FYB2: variants seen among roughly 807,000 people sequenced by gnomAD.
The protein encoded by FYB2 is FYN binding protein 2, also known as FYN-binding protein 2.
FYB2 carries 103 observed loss-of-function variants against 94.1 expected under a neutral mutation model. That is an observed-to-expected ratio of 1.09 (90% CI 0.93 to 1.29). FYB2 has a LOEUF of 1.29. Ranked by LOEUF, FYB2 falls within the 50% of genes most tolerant of loss-of-function variation. FYB2 has a pLI of 0.00. For missense variants in FYB2, 896 were observed against 841.5 expected (o/e 1.06, Z -0.80); for synonymous variants, 293 against 287.9 (o/e 1.02, Z -0.18).
chr1:56,748,201 G>A (rs1024436061), intron 9 of FYB2, among the ~76,000 whole-genome samples: 1 of 152,064 alleles, frequency 6.6e-6, no homozygotes, highest in Non-Finnish European at 1.5e-5. Flanking sequence ...AAGGTTGCCT[G>A]TTCACTCTGA....
At chr1:56,813,347 G>A (rs1374021559) in intron 1 of FYB2, among the ~76,000 whole-genome samples, 3 of 152,192 alleles carry the variant, frequency 2.0e-5, no homozygotes, top group Non-Finnish European at 4.4e-5. Context: ...GAAGGGAAAA[G>A]GCATGTCCTA....
At chr1:56,760,039 A>G (rs1645451705) in intron 5 of FYB2, among the ~76,000 whole-genome samples, 1 of 146,180 alleles carries the variant, frequency 6.8e-6, no homozygotes, top group Admixed American at 7.3e-5. Flanking sequence ...AGATCGCGCT[A>G]CTGTATTCCA....
chr1:56,763,982 C>T (rs113897419), intron 5 of FYB2, among the ~76,000 whole-genome samples: 15 of 148,888 alleles, frequency 1.0e-4, no homozygotes, highest in East Asian at 2.0e-4. Flanking sequence ...TGGAGTTTTG[C>T]TCTTATTGCC....
At chr1:56,736,544 GCCT>G (rs920156122) in intron 15 of FYB2, among the ~76,000 whole-genome samples, 8 of 148,408 alleles carry the variant, frequency 5.4e-5, no homozygotes, top group African/African-American at 2.0e-4. Flanking sequence ...TCCCACTTCA[GCCT>G]CCTGAATAGC....
At chr1:56,803,296 C>T (rs771190243) in intron 1 of FYB2, among the ~76,000 whole-genome samples, 6 of 152,166 alleles carry the variant, frequency 3.9e-5, no homozygotes, top group East Asian at 3.8e-4. Context: ...TTGGTTCAGG[C>T]AGGCTTTTGA....
At position 56,719,274 on chromosome 1, in the gene FYB2, CACA is replaced by C. The variant is rs570225269; in HGVS notation, c.*394_*396del. 6.4e-4 allele frequency: 106 copies of C among 164,976 alleles called. 2 individuals are homozygous for C. The Middle Eastern group carries it at 0.012, about 18-fold the overall frequency. 10.2% of individuals were successfully genotyped at this position (164,976 alleles called of 1,614,324 possible). A position where few individuals can be genotyped will look rare whatever the true frequency, so the allele number is the denominator to read the frequency against. ...AATTAAATTATACCAAGTTTGAGTG[CACA>C]ACATCTAGAAATTACAAATGCTCAT... On this transcript the variant is annotated 3_prime_UTR_variant, in exon 20 of 20. Coordinates refer to ENST00000343433, the MANE Select transcript of FYB2 (RefSeq NM_001004303.5).
At chr1:56,811,590 G>T (rs1050816877) in intron 1 of FYB2, among the ~76,000 whole-genome samples, 3 of 152,254 alleles carry the variant, frequency 2.0e-5, no homozygotes, top group African/African-American at 4.8e-5. Context: ...AACAAGACAG[G>T]GTTGTCACAG....
chr1:56,817,144 G>A lies in FYB2; in HGVS notation c.9+2138C>T, dbSNP rs141603289. On this transcript the variant is annotated intron_variant, in intron 1 of 19. Transcript: ENST00000343433. ...CAATGCCCAGGTGGCTCTCCATTTCGCTCAGAGGAAATGCTTGAGTTTCAA... is the reference window on the plus strand; with the variant it reads ...CAATGCCCAGGTGGCTCTCCATTTCACTCAGAGGAAATGCTTGAGTTTCAA... Among the ~76,000 whole-genome samples the A allele has an allele frequency of 9.2e-3, 1,403 of 152,158 alleles. 13 individuals carry two copies. Among genetic ancestry groups the A allele is most frequent in the Non-Finnish European group, 0.011 (714 of 67,998 alleles).
chr1:56,817,501 T>C (rs1435387848), intron 1 of FYB2, among the ~76,000 whole-genome samples: 2 of 152,192 alleles, frequency 1.3e-5, no homozygotes, highest in East Asian at 1.9e-4. Flanking sequence ...ATTTGACCCA[T>C]ATATAGATTT....
intron 1 of FYB2, among the ~76,000 whole-genome samples, chr1:56,796,808 C>T (rs1002215016): frequency 1.2e-4 from 19 of 152,150 alleles, no homozygotes; most frequent in Non-Finnish European, 5.9e-5. Flanking sequence ...GTGCTGCCTG[C>T]AATGCTCATC....
At position 56,751,181 on chromosome 1, in the gene FYB2, G is replaced by C. The variant is rs373510383; in HGVS notation, c.1250C>G (p.Pro417Arg). Reference protein sequence around the residue: ...VFKVDACEGTPEKIQMTNVHT... With the variant: ...VFKVDACEGTREKIQMTNVHT... ...GACGTTGGTCATCTGAATTTTTTCAGGTGTCCCTTCACAGGCATCTACCTA... is the reference window on the plus strand; with the variant it reads ...GACGTTGGTCATCTGAATTTTTTCACGTGTCCCTTCACAGGCATCTACCTA... The change falls in exon 9 of 20, where the codon CCT (proline) becomes CGT (arginine). Residue 417 changes from proline to arginine, a missense_variant. Transcript: ENST00000343433. 5.6e-6 allele frequency: 9 copies of C among 1,612,356 alleles called. No homozygotes were observed. Among genetic ancestry groups the C allele is most frequent in the Non-Finnish European group, 6.8e-6 (8 of 1,179,096 alleles).
chr1:56,738,161 A>G (rs1488616747), intron 14 of FYB2, among the ~76,000 whole-genome samples: 1 of 152,112 alleles, frequency 6.6e-6, no homozygotes, highest in Non-Finnish European at 1.5e-5. Context: ...AAAAGCAAAC[A>G]ACATTCCAAT....
At chr1:56,737,019 A>G (rs920661183) in intron 15 of FYB2, 68 bp downstream of exon 15, 5 of 1,193,774 alleles carry the variant, frequency 4.2e-6, no homozygotes, top group African/African-American at 3.1e-5. Flanking sequence ...TTCTGTGATC[A>G]TAATTAAGAA....
intron 9 of FYB2, among the ~76,000 whole-genome samples, chr1:56,750,656 C>A (rs894289475): frequency 1.3e-5 from 2 of 151,926 alleles, no homozygotes; most frequent in Non-Finnish European, 2.9e-5. Flanking sequence ...TGAGCCTAGA[C>A]AACAGGAGCT....
intron 1 of FYB2, among the ~76,000 whole-genome samples, chr1:56,816,878 G>A (rs201588145): frequency 7.0e-5 from 5 of 71,940 alleles, no homozygotes; most frequent in African/African-American, 1.0e-4. Flanking sequence ...TTTTTTTTTT[G>A]TCTAATCCAT....
intron 5 of FYB2, among the ~76,000 whole-genome samples, chr1:56,761,279 C>T (rs2066370): frequency 0.094 from 14,351 of 152,072 alleles, 1,286 homozygotes; most frequent in African/African-American, 0.22. Flanking sequence ...AGGCACTATG[C>T]CAAGCATTTA....
In FYB2 at chr1:56,797,590, G is replaced by A. The variant is rs531905800; in HGVS notation, c.10-4787C>T. 6.6e-5 allele frequency among the ~76,000 whole-genome samples: 10 copies of A among 152,206 alleles called. No individual in the cohort carries two copies. In the South Asian group the frequency reaches 1.5e-3, roughly 22 times the overall value. On this transcript the variant is annotated intron_variant, in intron 1 of 19. Coordinates refer to ENST00000343433, the MANE Select transcript of FYB2 (RefSeq NM_001004303.5). ...TAAATGAGGCCCTGAGGGTGTGGCCGCTCAGGGAATAGCATGTGCTTTGGG... is the reference window on the plus strand; with the variant it reads ...TAAATGAGGCCCTGAGGGTGTGGCCACTCAGGGAATAGCATGTGCTTTGGG...
intron 3 of FYB2, among the ~76,000 whole-genome samples, chr1:56,788,164 T>C (rs1445676309): frequency 1.3e-5 from 2 of 152,178 alleles, no homozygotes; most frequent in Admixed American, 1.3e-4. Flanking sequence ...TGATGTACAC[T>C]CAAGTTTGAG....
At chr1:56,765,103 C>T (rs929296371) in intron 5 of FYB2, among the ~76,000 whole-genome samples, 2 of 152,192 alleles carry the variant, frequency 1.3e-5, no homozygotes, top group African/African-American at 2.4e-5. Flanking sequence ...CACCTCATCA[C>T]TGCTGGGCAG....
Sources: gnomAD v4.1 joint callset for allele counts (sites outside exome capture counted in the v4.1 genomes callset) on GRCh38, gnomAD v4.1.1 for gene constraint, MANE v1.5 for transcripts, NCBI Gene and HGNC (gene_info 2026-07-23, HGNC 2026-07-21) for gene names.